Variants in TFB1M observed in about 807,000 individuals in gnomAD.
The protein encoded by TFB1M is transcription factor B1, mitochondrial.
TFB1M carries 27 observed loss-of-function variants against 31.1 expected under a neutral mutation model. The ratio of observed to expected loss-of-function variants is 0.87; its 90% CI spans 0.64 to 1.20. The LOEUF (loss-of-function observed/expected upper bound fraction) is 1.20, where lower values mean the gene tolerates loss of function less well. Among genes scored for constraint, TFB1M ranks in the 50% most tolerant of loss-of-function variants. TFB1M has a pLI of 0.00. For missense variants in TFB1M, 394 were observed against 418.7 expected, an observed-to-expected ratio of 0.94 and a Z score of 0.51; for synonymous variants, 166 against 151.8, an observed-to-expected ratio of 1.09 and a Z score of -0.69.
intron 5 of TFB1M, among the ~76,000 whole-genome samples, chr6:155,277,091 T>C (rs71575026): frequency 0.024 from 3,705 of 152,368 alleles, 64 homozygotes; most frequent in Non-Finnish European, 0.038. Flanking sequence ...AGCTAAGTGA[T>C]AAGAACAAAA....
chr6:155,233,962 CA>C, the TFB1M span, among the ~76,000 whole-genome samples: 9,906 of 137,544 alleles, frequency 0.072, 518 homozygotes, highest in East Asian at 0.29. Flanking sequence ...GACCCTGTCT[CA>C]AAAAAACAAA....
At chr6:155,231,015 T>C in the TFB1M span, among the ~76,000 whole-genome samples, 1 of 146,654 alleles carries the variant, frequency 6.8e-6, no homozygotes, top group African/African-American at 2.5e-5. Flanking sequence ...TTTTTTTTTG[T>C]ATTTTTAGTA....
At chr6:155,255,229 A>G (rs1487962414), downstream of TFB1M, 3 of 152,204 alleles carry the variant, frequency 2.0e-5, no homozygotes, top group Non-Finnish European at 4.4e-5. Flanking sequence ...TCGACTTTCC[A>G]TATTATCAAC....
chr6:155,313,029 C>G (rs1270956750), intron 1 of TFB1M: 1 of 152,144 alleles, frequency 6.6e-6, no homozygotes, highest in Non-Finnish European at 1.5e-5. Context: ...GAGTGGATCA[C>G]TTGAGATCAG....
chr6:155,254,770 C>A (rs1783896439), downstream of TFB1M: 2 of 595,034 alleles, frequency 3.4e-6, no homozygotes, highest in African/African-American at 3.7e-5. Flanking sequence ...AACCCCCAGT[C>A]CCTTGTCTTC....
chr6:155,297,852 G>A (rs190581570), intron 3 of TFB1M, among the ~76,000 whole-genome samples: 1 of 152,338 alleles, frequency 6.6e-6, no homozygotes, highest in Non-Finnish European at 1.5e-5. Flanking sequence ...AAGAACAGGA[G>A]GGCCTGTCAG....
the TFB1M span, chr6:155,244,832 C>A: frequency 6.5e-7 from 1 of 1,543,476 alleles, no homozygotes; most frequent in African/African-American, 1.4e-5. Flanking sequence ...GGCTATGGTA[C>A]GTATTTCTCT....
intron 3 of TFB1M, among the ~76,000 whole-genome samples, chr6:155,297,716 A>C (rs1290945416): frequency 6.6e-6 from 1 of 152,230 alleles, no homozygotes; most frequent in Non-Finnish European, 1.5e-5. Context: ...ATCCTCCGGA[A>C]GACTATGGAT....
chr6:155,273,726 G>T (rs543331198), intron 5 of TFB1M, among the ~76,000 whole-genome samples: 3 of 152,328 alleles, frequency 2.0e-5, no homozygotes, highest in African/African-American at 7.2e-5. Context: ...TGTGAGGTAG[G>T]AGGGGTGGAG....
the TFB1M span, among the ~76,000 whole-genome samples, chr6:155,242,217 C>T: frequency 6.6e-6 from 1 of 152,260 alleles, no homozygotes; most frequent in Non-Finnish European, 1.5e-5. Flanking sequence ...CAGCACCAGC[C>T]TGTGAGGCAT....
At chr6:155,287,692 C>T (rs959687712) in intron 4 of TFB1M, among the ~76,000 whole-genome samples, 3 of 151,660 alleles carry the variant, frequency 2.0e-5, no homozygotes, top group African/African-American at 7.3e-5. Context: ...TAGAAGAGGG[C>T]TCCAAACATA....
At chr6:155,269,892 T>C (rs1784843666) in intron 5 of TFB1M, among the ~76,000 whole-genome samples, 1 of 152,248 alleles carries the variant, frequency 6.6e-6, no homozygotes, top group Non-Finnish European at 1.5e-5. Flanking sequence ...GGCAAATATT[T>C]ATTGTATCCC....
At chr6:155,258,112 A>AATC (rs765017086) in intron 6 of TFB1M, 30 bp from the exon 7 acceptor site, 62 of 1,613,408 alleles carry the variant, frequency 3.8e-5, no homozygotes, top group Non-Finnish European at 5.0e-5. Flanking sequence ...ACAGAAAAAT[A>AATC]AGAATTTTAC....
the TFB1M span, chr6:155,250,745 A>C: frequency 8.8e-7 from 1 of 1,140,972 alleles, no homozygotes; most frequent in African/African-American, 1.6e-5. Context: ...TGCTTAACTC[A>C]TATTTTCAAA....
At chr6:155,300,789 TTTC>T (rs1389143780) in intron 2 of TFB1M, among the ~76,000 whole-genome samples, 1 of 151,952 alleles carries the variant, frequency 6.6e-6, no homozygotes, top group Non-Finnish European at 1.5e-5. Flanking sequence ...TTTCCTGGGT[TTTC>T]TTTTTTGTTT....
intron 2 of TFB1M, among the ~76,000 whole-genome samples, chr6:155,309,844 T>G (rs1031314435): frequency 6.6e-6 from 1 of 152,120 alleles, no homozygotes; most frequent in Non-Finnish European, 1.5e-5. Flanking sequence ...AAGAACACAG[T>G]TCAAAACAAA....
intron 2 of TFB1M, 56 bp from the exon 3 acceptor site, chr6:155,298,641 C>T: frequency 1.6e-6 from 2 of 1,236,240 alleles, no homozygotes; most frequent in South Asian, 1.2e-5. Flanking sequence ...AGTAACAAAA[C>T]TAAACTTTTT....
downstream of TFB1M, chr6:155,253,705 T>TC: frequency 2.8e-6 from 1 of 352,654 alleles, no homozygotes; most frequent in Non-Finnish European, 5.1e-6. Flanking sequence ...CCACTGAATC[T>TC]CCTCTTCCCC....
intron 4 of TFB1M, 73 bp from the exon 5 acceptor site, chr6:155,285,350 C>T: frequency 6.3e-7 from 1 of 1,585,176 alleles, no homozygotes; most frequent in Non-Finnish European, 8.6e-7. Context: ...GTCAACATTC[C>T]ATTATTTCTG....
Sources: allele counts gnomAD v4.1 joint callset (sites outside exome capture counted in the v4.1 genomes callset), GRCh38; gene constraint gnomAD v4.1.1; transcripts MANE v1.5; gene names NCBI Gene and HGNC (gene_info 2026-07-23, HGNC 2026-07-21).